Variants in DPP10 observed in about 807,000 individuals in gnomAD.
DPP10 encodes dipeptidyl peptidase like 10, also known as inactive dipeptidyl peptidase 10.
A neutral mutation model predicts 120.9 loss-of-function variants in DPP10; 33 were observed. The observed-to-expected ratio is 0.27, with a 90% CI of 0.21 to 0.37. The LOEUF (loss-of-function observed/expected upper bound fraction) is 0.37. Ranked by LOEUF, DPP10 falls within the 10% of genes least tolerant of loss-of-function variation. The pLI is 1.00. For synonymous variants in DPP10, 337 were observed against 326.1 expected, an observed-to-expected ratio of 1.03 and a Z score of -0.36; for missense variants, 816 against 942.8, an observed-to-expected ratio of 0.87 and a Z score of 1.76.
intron 5 of DPP10, among the ~76,000 whole-genome samples, chr2:115,576,495 A>G (rs1273490556): frequency 6.6e-6 from 1 of 152,216 alleles, no homozygotes; most frequent in East Asian, 1.9e-4. Flanking sequence ...TTCATTTAAG[A>G]GAAAATGGCA....
chr2:115,385,686 A>AT (rs1055013939), intron 3 of DPP10, among the ~76,000 whole-genome samples: 1 of 152,176 alleles, frequency 6.6e-6, no homozygotes, highest in Admixed American at 6.6e-5. Context: ...AGAGCTGTCC[A>AT]TTCTTCACTA....
chr2:115,098,498 A>G (rs1207316820), intron 1 of DPP10, among the ~76,000 whole-genome samples: 1 of 152,154 alleles, frequency 6.6e-6, no homozygotes, highest in Non-Finnish European at 1.5e-5. Flanking sequence ...CTCCTGGGCT[A>G]CAAACCTGTA....
chr2:115,239,732 C>T lies in DPP10; in HGVS notation c.61-69507C>T, dbSNP rs577856060. ...CCCATCATATACATTAGGTATTTCT[C>T]CTAATGCTATCCCTCTCCTAGCCCC... On this transcript the variant is annotated intron_variant, in intron 1 of 25. Coordinates refer to ENST00000410059, the MANE Select transcript of DPP10 (RefSeq NM_020868.6). Among the ~76,000 whole-genome samples the T allele has an allele frequency of 3.7e-4, 56 of 152,192 alleles. 1 individual carries two copies. The highest frequency in any genetic ancestry group is 2.5e-3 in the Admixed American group (38 of 15,284).
chr2:115,100,154 G>C (rs540431781), intron 1 of DPP10, among the ~76,000 whole-genome samples: 1 of 152,266 alleles, frequency 6.6e-6, no homozygotes, highest in East Asian at 1.9e-4. Flanking sequence ...TAGAGAACTT[G>C]TCTCTGTTGG....
intron 1 of DPP10, among the ~76,000 whole-genome samples, chr2:114,890,060 T>A (rs913135091): frequency 6.6e-6 from 1 of 152,220 alleles, no homozygotes; most frequent in African/African-American, 2.4e-5. Flanking sequence ...AAGTCATGTC[T>A]CCTTTCGTCA....
At chr2:115,479,649 A>G (rs983179220) in intron 3 of DPP10, among the ~76,000 whole-genome samples, 1 of 152,018 alleles carries the variant, frequency 6.6e-6, no homozygotes, top group Non-Finnish European at 1.5e-5. Flanking sequence ...ACATGTATAT[A>G]TATATATAAA....
At chr2:115,807,572 T>C (rs1160991566) in intron 19 of DPP10, among the ~76,000 whole-genome samples, 1 of 152,134 alleles carries the variant, frequency 6.6e-6, no homozygotes, top group African/African-American at 2.4e-5. Context: ...AAGGAGACAA[T>C]CTCTGGCTTT....
At chr2:114,491,843 A>G (rs1573478031) in intron 1 of DPP10, among the ~76,000 whole-genome samples, 1 of 152,346 alleles carries the variant, frequency 6.6e-6, no homozygotes, top group Middle Eastern at 3.4e-3. Context: ...TCATAATTCG[A>G]AAAGGATTTT....
chr2:114,989,451 G>T (rs2104916624), intron 1 of DPP10, among the ~76,000 whole-genome samples: 1 of 152,278 alleles, frequency 6.6e-6, no homozygotes, highest in Non-Finnish European at 1.5e-5. Context: ...AGTGATCGTT[G>T]CTTAAGTCTG....
chr2:115,277,624 C>T (rs1230118156), intron 1 of DPP10, among the ~76,000 whole-genome samples: 1 of 151,902 alleles, frequency 6.6e-6, no homozygotes, highest in African/African-American at 2.4e-5. Context: ...TAGTAAAGGA[C>T]ATTCTAGTTA....
At position 114,653,025 on chromosome 2, in the gene DPP10, A is replaced by AGTGT. The variant is rs753807245; in HGVS notation, c.60+210188_60+210189insTGTG. The stretch of plus-strand genomic sequence containing the variant: ...GAGAGAGAGAAAGAGAGAGAGAGAG[A>AGTGT]GAGTGTGTGTGTGTGTGTGTGTGTG... On this transcript the variant is annotated intron_variant, in intron 1 of 25. Transcript: ENST00000410059. Among the ~76,000 whole-genome samples, 307 of 118,874 alleles carry AGTGT rather than the reference A, an allele frequency of 2.6e-3. 2 individuals carry two copies. The highest frequency in any genetic ancestry group is 0.013 in the East Asian group (53 of 4,220). The allele number at this position is 118,874 out of a possible 152,430, so 78.0% of individuals were successfully genotyped here. A position where few individuals can be genotyped will look rare whatever the true frequency, so the allele number is the denominator to read the frequency against.
At chr2:114,497,325 G>A (rs770467084) in intron 1 of DPP10, among the ~76,000 whole-genome samples, 6 of 18,614 alleles carry the variant, frequency 3.2e-4, no homozygotes, top group East Asian at 8.0e-4. Context: ...ACATGTATAC[G>A]TGTATACATG....
At chr2:115,331,685 T>C (rs1256455919) in intron 2 of DPP10, among the ~76,000 whole-genome samples, 1 of 152,234 alleles carries the variant, frequency 6.6e-6, no homozygotes, top group Non-Finnish European at 1.5e-5. Flanking sequence ...GATAATCATA[T>C]GGTTTTTGTC....
chr2:114,654,616 T>A (rs1369701), intron 1 of DPP10, among the ~76,000 whole-genome samples: 51,620 of 152,090 alleles, frequency 0.34, 11,157 homozygotes, highest in African/African-American at 0.61. Flanking sequence ...ACTAATATTT[T>A]AAAATCAGTA....
At chr2:115,558,418 T>G (rs2080355018) in intron 5 of DPP10, among the ~76,000 whole-genome samples, 1 of 152,154 alleles carries the variant, frequency 6.6e-6, no homozygotes, top group African/African-American at 2.4e-5. Flanking sequence ...TGAAAACCAT[T>G]GGTCAGAGAC....
At chr2:115,527,714 G>A (rs2078215579) in intron 5 of DPP10, among the ~76,000 whole-genome samples, 1 of 152,044 alleles carries the variant, frequency 6.6e-6, no homozygotes. Flanking sequence ...CAGACATGAA[G>A]AGACATTTCA....
chr2:115,346,160 T>C (rs756235535), intron 3 of DPP10, among the ~76,000 whole-genome samples: 2 of 152,198 alleles, frequency 1.3e-5, no homozygotes, highest in Non-Finnish European at 2.9e-5. Flanking sequence ...GCTAGATACT[T>C]GGCCTATTTA....
At chr2:115,547,365 T>C (rs2079574051) in intron 5 of DPP10, among the ~76,000 whole-genome samples, 1 of 152,208 alleles carries the variant, frequency 6.6e-6, no homozygotes, top group Non-Finnish European at 1.5e-5. Context: ...AATGAGAGTA[T>C]TTAAGACTTC....
At chr2:115,554,447 C>T (rs907666152) in intron 5 of DPP10, among the ~76,000 whole-genome samples, 1 of 151,846 alleles carries the variant, frequency 6.6e-6, no homozygotes, top group Non-Finnish European at 1.5e-5. Context: ...TCTTGGGCAA[C>T]ATCACTTTGA....
Sources: gnomAD v4.1 joint callset for allele counts (sites outside exome capture counted in the v4.1 genomes callset) on GRCh38, gnomAD v4.1.1 for gene constraint, MANE v1.5 for transcripts, NCBI Gene and HGNC (gene_info 2026-07-23, HGNC 2026-07-21) for gene names.